The following TMEM229B variants were observed in gnomAD, a reference collection of about 807,000 sequenced individuals.
TMEM229B encodes the protein transmembrane protein 229B.
In TMEM229B, 6 loss-of-function variants were observed where a neutral mutation model predicts 13.7. That is an observed-to-expected ratio of 0.44 (90% CI 0.24 to 0.86). TMEM229B has a LOEUF of 0.86. TMEM229B is among the 40% of genes least tolerant of loss of function. TMEM229B has a pLI of 0.23. For missense variants in TMEM229B, 170 were observed against 236.0 expected (o/e 0.72, Z 1.83); for synonymous variants, 107 against 102.1 (o/e 1.05, Z -0.29).
upstream of TMEM229B, among the ~76,000 whole-genome samples, chr14:67,515,675 C>T (rs1044623808): frequency 8.5e-5 from 13 of 152,294 alleles, no homozygotes; most frequent in Non-Finnish European, 1.8e-4. Context: ...CCCTCCCTGT[C>T]CTAGCCAACC....
rs542807610 is a variant in TMEM229B at position 67,509,470 on chromosome 14, C to T, written c.-192+5616G>A. Among the ~76,000 whole-genome samples the T allele has an allele frequency of 8.5e-5, 13 of 152,274 alleles. No individual in the cohort carries two copies. In the East Asian group the frequency reaches 1.9e-3, roughly 23 times the overall value. Reference sequence around the variant, plus strand: ...AGTAGCTGGGACTACAGGCACGAGCCGCCATGCACAGCTAATTTTTGTGTT... The same window carrying T: ...AGTAGCTGGGACTACAGGCACGAGCTGCCATGCACAGCTAATTTTTGTGTT... On this transcript the variant is annotated intron_variant, in intron 1 of 2. Transcript: ENST00000357461.
intron 1 of TMEM229B, among the ~76,000 whole-genome samples, chr14:67,496,988 G>C (rs975370071): frequency 8.6e-5 from 13 of 151,860 alleles, no homozygotes; most frequent in African/African-American, 2.9e-4. Flanking sequence ...AGTAGAGATG[G>C]GGTTTCACCA....
At chr14:67,509,931 A>G (rs1445980661) in intron 1 of TMEM229B, among the ~76,000 whole-genome samples, 1 of 152,006 alleles carries the variant, frequency 6.6e-6, no homozygotes, top group Non-Finnish European at 1.5e-5. Flanking sequence ...GATCACTTGA[A>G]CCCAGGAGTT....
In TMEM229B at chr14:67,474,610, G is replaced by A. The variant is rs187977919; in HGVS notation, c.-18-669C>T. On this transcript the variant is annotated intron_variant, in intron 2 of 2. Coordinates refer to ENST00000554480, the MANE Select transcript of TMEM229B (RefSeq NM_001348543.2). ...ACCATGTGTAAGTGTACAATTCAGTGGTCTTAAGTACATTCACATTGTTGT... is the reference window on the plus strand; with the variant it reads ...ACCATGTGTAAGTGTACAATTCAGTAGTCTTAAGTACATTCACATTGTTGT... 1.6e-4 allele frequency among the ~76,000 whole-genome samples: 24 copies of A among 152,254 alleles called. 1 individual carries two copies. The highest frequency in any genetic ancestry group is 6.8e-3 in the Middle Eastern group (2 of 294).
chr14:67,481,537 G>A (rs1232609918), intron 2 of TMEM229B, among the ~76,000 whole-genome samples: 1 of 152,204 alleles, frequency 6.6e-6, no homozygotes, highest in Non-Finnish European at 1.5e-5. Context: ...AGGAATAGGA[G>A]ACAGTGTCAT....
chr14:67,508,022 C>T (rs1451924874), intron 1 of TMEM229B, among the ~76,000 whole-genome samples: 1 of 151,926 alleles, frequency 6.6e-6, no homozygotes, highest in Non-Finnish European at 1.5e-5. Flanking sequence ...CCTCTAATCC[C>T]AGCTACTCGG....
chr14:67,522,659 G>A (rs1276739385), intron 1 of TMEM229B, among the ~76,000 whole-genome samples: 2 of 152,234 alleles, frequency 1.3e-5, no homozygotes, highest in Non-Finnish European at 1.5e-5. Flanking sequence ...CCAAGTCACA[G>A]CTAGGTCCTG....
At chr14:67,475,981 C>T (rs2031168063) in intron 2 of TMEM229B, among the ~76,000 whole-genome samples, 1 of 152,222 alleles carries the variant, frequency 6.6e-6, no homozygotes, top group Non-Finnish European at 1.5e-5. Flanking sequence ...GGCAGGCCCT[C>T]TCTAAATGAC....
intron 1 of TMEM229B, among the ~76,000 whole-genome samples, chr14:67,530,533 G>A (rs1171242193): frequency 6.6e-6 from 1 of 152,190 alleles, no homozygotes; most frequent in Non-Finnish European, 1.5e-5. Flanking sequence ...TGACTCTCCT[G>A]TAACTCCTAG....
At chr14:67,528,468 C>G (rs1443355485) in intron 1 of TMEM229B, among the ~76,000 whole-genome samples, 6 of 152,218 alleles carry the variant, frequency 3.9e-5, no homozygotes, top group Admixed American at 3.9e-4. Flanking sequence ...TCCTCCCTCC[C>G]CCAATTGATG....
chr14:67,506,740 C>A (rs929662616), intron 1 of TMEM229B, among the ~76,000 whole-genome samples: 1 of 152,172 alleles, frequency 6.6e-6, no homozygotes, highest in East Asian at 1.9e-4. Flanking sequence ...AATCCCAACA[C>A]TTTGGGAGGC....
Position 67,470,576 on chromosome 14 carries a change from G to T in TMEM229B, c.*2844C>A, listed in dbSNP as rs1229569367. ...CTACACAGCCCAGGGCTTCATAAAT[G>T]CAGGTTCTCATGAACTGACCCACTC... On this transcript the variant is annotated 3_prime_UTR_variant, in exon 3 of 3. Transcript: ENST00000554480. 2 of 152,722 alleles carry T rather than the reference G, an allele frequency of 1.3e-5. No homozygotes were observed. The highest frequency in any genetic ancestry group is 2.9e-5 in the Non-Finnish European group (2 of 68,136). 9.5% of individuals were successfully genotyped at this position (152,722 alleles called of 1,614,324 possible). A position where few individuals can be genotyped will look rare whatever the true frequency, so the allele number is the denominator to read the frequency against.
At chr14:67,476,850 G>A (rs145592343) in intron 2 of TMEM229B, among the ~76,000 whole-genome samples, 137 of 152,266 alleles carry the variant, frequency 9.0e-4, no homozygotes, top group African/African-American at 3.2e-3. Context: ...TAGTGGCTGG[G>A]CACAGTGGCT....
At chr14:67,495,362 G>A (rs932189471) in intron 1 of TMEM229B, among the ~76,000 whole-genome samples, 17 of 152,136 alleles carry the variant, frequency 1.1e-4, no homozygotes, top group African/African-American at 3.9e-4. Context: ...GCCAGAAGAC[G>A]GGGTTAAACT....
chr14:67,479,549 C>T (rs1352558996), intron 2 of TMEM229B, among the ~76,000 whole-genome samples: 1 of 151,790 alleles, frequency 6.6e-6, no homozygotes, highest in Non-Finnish European at 1.5e-5. Flanking sequence ...GAAACCACAT[C>T]CCTACTAAAA....
At chr14:67,489,036 A>C (rs11158669), upstream of TMEM229B, among the ~76,000 whole-genome samples, 68,432 of 152,072 alleles carry the variant, frequency 0.45, 16,557 homozygotes, top group Non-Finnish European at 0.54. Flanking sequence ...GACAGGGGAC[A>C]TGAGGCTCCT....
chr14:67,517,037 G>T (rs1244982102), upstream of TMEM229B, among the ~76,000 whole-genome samples: 4 of 152,136 alleles, frequency 2.6e-5, no homozygotes, highest in Non-Finnish European at 5.9e-5. Flanking sequence ...AGGAAAACTT[G>T]TTTTTTTGCT....
rs2140019611 is a variant in TMEM229B at position 67,470,614 on chromosome 14, C to A, written c.*2806G>T. ...AACTGACCCACTCAGCAGCTGCCTC[C>A]CCAGGAGACCCACGCAGAGTGAGGG... On this transcript the variant is annotated 3_prime_UTR_variant, in exon 3 of 3. Coordinates refer to ENST00000554480, the MANE Select transcript of TMEM229B (RefSeq NM_001348543.2). The A allele has an allele frequency of 6.5e-6, 1 of 153,004 alleles. No homozygotes were observed. The highest frequency in any genetic ancestry group is 1.9e-4 in the East Asian group (1 of 5,190). The allele number at this position is 153,004 out of a possible 1,614,324, so 9.5% of individuals were successfully genotyped here. A position where few individuals can be genotyped will look rare whatever the true frequency, so the allele number is the denominator to read the frequency against.
At chr14:67,491,614 C>T (rs1202776455), upstream of TMEM229B, among the ~76,000 whole-genome samples, 4 of 152,142 alleles carry the variant, frequency 2.6e-5, no homozygotes, top group Non-Finnish European at 5.9e-5. Context: ...CTTATTACAC[C>T]GCACCCTGAC....
Sources: gnomAD v4.1 joint callset for allele counts (sites outside exome capture counted in the v4.1 genomes callset) on GRCh38, gnomAD v4.1.1 for gene constraint, MANE v1.5 for transcripts, NCBI Gene and HGNC (gene_info 2026-07-23, HGNC 2026-07-21) for gene names.